Variants in RBMS3 observed in about 807,000 individuals in gnomAD.
RBMS3 encodes the protein RNA binding motif single stranded interacting protein 3, also known as RNA-binding motif, single-stranded-interacting protein 3.
Under a neutral mutation model 66.8 loss-of-function variants are expected in RBMS3, and 27 were observed. The observed-to-expected ratio is 0.40, with a 90% CI of 0.30 to 0.56. The LOEUF is 0.56. Ranked by LOEUF, RBMS3 falls within the 20% of genes least tolerant of loss-of-function variation. RBMS3 has a pLI of 0.40. For synonymous variants in RBMS3, 188 were observed against 183.0 expected, an observed-to-expected ratio of 1.03 and a Z score of -0.22; for missense variants, 513 against 549.5, an observed-to-expected ratio of 0.93 and a Z score of 0.66.
intron 1 of RBMS3, among the ~76,000 whole-genome samples, chr3:29,379,973 A>G (rs1423222718): frequency 1.3e-5 from 2 of 152,188 alleles, no homozygotes; most frequent in Non-Finnish European, 2.9e-5. Context: ...TGGCCTTTCA[A>G]CTGAAACCTG....
intron 10 of RBMS3, chr3:29,903,284 T>A (rs557831354): frequency 6.6e-6 from 1 of 151,970 alleles, no homozygotes; most frequent in African/African-American, 2.4e-5. Flanking sequence ...ATCAAGAGCA[T>A]TTCTGTTTGC....
chr3:29,309,254 G>C (rs2034222497), intron 1 of RBMS3, among the ~76,000 whole-genome samples: 1 of 151,732 alleles, frequency 6.6e-6, no homozygotes, highest in Admixed American at 6.6e-5. Context: ...ACAGGTTTTT[G>C]GAGACATGAC....
chr3:29,694,485 T>C (rs896900717), intron 4 of RBMS3, among the ~76,000 whole-genome samples: 11 of 152,220 alleles, frequency 7.2e-5, no homozygotes, highest in African/African-American at 2.4e-4. Flanking sequence ...TAAAAAAAGT[T>C]ATTACTGTAG....
At chr3:29,953,641 T>C (rs1695833184) in intron 12 of RBMS3, among the ~76,000 whole-genome samples, 1 of 151,896 alleles carries the variant, frequency 6.6e-6, no homozygotes, top group African/African-American at 2.4e-5. Flanking sequence ...ACATACTATG[T>C]TCTAGGCACT....
intron 3 of RBMS3, among the ~76,000 whole-genome samples, chr3:29,578,623 G>T (rs2047205765): frequency 6.6e-6 from 1 of 150,888 alleles, no homozygotes; most frequent in African/African-American, 2.4e-5. Context: ...TTTTATCAAA[G>T]ATTTTGAAGG....
intron 10 of RBMS3, among the ~76,000 whole-genome samples, chr3:29,923,266 T>G (rs2060841539): frequency 6.6e-6 from 1 of 152,188 alleles, no homozygotes; most frequent in Non-Finnish European, 1.5e-5. Flanking sequence ...CAGTTGACAA[T>G]GGAGCTATTT....
rs1559869839 is a variant in RBMS3 at position 29,991,062 on chromosome 3, G to A, written c.1180-20G>A. On this transcript the variant is annotated intron_variant, in intron 13 of 14. Coordinates refer to ENST00000383767, the MANE Select transcript of RBMS3 (RefSeq NM_001003793.3). ...TCACTGAAGCAAGTAAGGCTTTTAT[G>A]TTCTTATTTGCCTCCTTAGGGTGTT... 2 of 1,612,592 alleles carry A rather than the reference G, an allele frequency of 1.2e-6. No individual in the cohort carries two copies. Among genetic ancestry groups the A allele is most frequent in the East Asian group, 2.2e-5 (1 of 44,842 alleles).
chr3:29,765,158 T>C (rs1194069591), intron 6 of RBMS3, among the ~76,000 whole-genome samples: 1 of 151,998 alleles, frequency 6.6e-6, no homozygotes, highest in African/African-American at 2.4e-5. Context: ...ATACAAGATA[T>C]GGGTATTTTG....
At chr3:29,920,375 A>AT (rs1188909389) in intron 10 of RBMS3, among the ~76,000 whole-genome samples, 4 of 152,202 alleles carry the variant, frequency 2.6e-5, no homozygotes, top group Non-Finnish European at 1.5e-5. Context: ...GTTCTTCACA[A>AT]TGTAAAGGTT....
At chr3:29,812,730 C>CT (rs942356571) in intron 6 of RBMS3, among the ~76,000 whole-genome samples, 11 of 152,046 alleles carry the variant, frequency 7.2e-5, no homozygotes, top group African/African-American at 2.4e-4. Context: ...AAGAGTTTTT[C>CT]TTTTTTCTGA....
chr3:30,003,184 T>C (rs1699686517), intron 14 of RBMS3, among the ~76,000 whole-genome samples: 2 of 152,022 alleles, frequency 1.3e-5, no homozygotes, highest in African/African-American at 4.8e-5. Flanking sequence ...AAGGTTAACC[T>C]TGCAACATAG....
At chr3:29,576,450 GTCT>G (rs1308201742) in intron 3 of RBMS3, among the ~76,000 whole-genome samples, 1 of 152,096 alleles carries the variant, frequency 6.6e-6, no homozygotes, top group African/African-American at 2.4e-5. Flanking sequence ...ATAGCACTGA[GTCT>G]TGCCCAAGGC....
In RBMS3 at chr3:29,837,663, C is replaced by CATATATAT. The variant is rs3070797; in HGVS notation, c.638-31158_638-31151dup. Among the ~76,000 whole-genome samples the CATATATAT allele has an allele frequency of 8.7e-3, 589 of 67,538 alleles. 28 individuals carry two copies. Among genetic ancestry groups the CATATATAT allele is most frequent in the Non-Finnish European group, 0.012 (417 of 35,430 alleles). 44.3% of individuals were successfully genotyped at this position (67,538 alleles called of 152,430 possible). On this transcript the variant is annotated intron_variant, in intron 6 of 14. Coordinates refer to ENST00000383767, the MANE Select transcript of RBMS3 (RefSeq NM_001003793.3). ...ATAATGAACATATATATATAATGAA[C>CATATATAT]ATATATATATATATATATATATATA...
chr3:29,835,383 T>G (rs965891513), intron 6 of RBMS3, among the ~76,000 whole-genome samples: 1 of 151,934 alleles, frequency 6.6e-6, no homozygotes, highest in African/African-American at 2.4e-5. Context: ...CATATGTTAA[T>G]CCACAAAACA....
chr3:29,980,061 A>C (rs369959559), intron 12 of RBMS3, among the ~76,000 whole-genome samples: 14 of 152,202 alleles, frequency 9.2e-5, no homozygotes, highest in East Asian at 7.7e-4. Context: ...AACAGTGTAA[A>C]GTGTTCCTAT....
chr3:29,326,670 T>C (rs1047148518), intron 1 of RBMS3, among the ~76,000 whole-genome samples: 2 of 152,022 alleles, frequency 1.3e-5, no homozygotes, highest in South Asian at 2.1e-4. Context: ...GTGTTTGGTA[T>C]AGAGTTTTGT....
rs117904665 is a variant in RBMS3, at chr3:29,755,382, T to C, written c.558-7528T>C. ...TTGAAACACACAGTCTTTGGGATAA[T>C]TTTTTTACTCCTCTGCTGTTGATAG... On this transcript the variant is annotated intron_variant, in intron 5 of 14. Transcript: ENST00000383767. Among the ~76,000 whole-genome samples the C allele has an allele frequency of 5.3e-5, 8 of 152,186 alleles. No homozygotes were observed. The East Asian group carries it at 1.5e-3, about 29-fold the overall frequency.
At chr3:29,725,763 C>T (rs1345926717) in intron 4 of RBMS3, among the ~76,000 whole-genome samples, 2 of 152,072 alleles carry the variant, frequency 1.3e-5, no homozygotes, top group African/African-American at 2.4e-5. Context: ...GATTCAGAGC[C>T]GAATTCTACC....
intron 12 of RBMS3, among the ~76,000 whole-genome samples, chr3:29,983,298 C>T (rs1698133984): frequency 6.7e-6 from 1 of 148,754 alleles, no homozygotes; most frequent in Non-Finnish European, 1.5e-5. Flanking sequence ...TTATTTTGAG[C>T]CTATGTGTGT....
Sources: gnomAD v4.1 joint callset for allele counts (sites outside exome capture counted in the v4.1 genomes callset) on GRCh38, gnomAD v4.1.1 for gene constraint, MANE v1.5 for transcripts, NCBI Gene and HGNC (gene_info 2026-07-23, HGNC 2026-07-21) for gene names.